Variants in SEMA3A observed in about 807,000 individuals in gnomAD.
The protein encoded by SEMA3A is semaphorin-3A.
Under a neutral mutation model 97.9 loss-of-function variants are expected in SEMA3A, and 29 were observed. The ratio of observed to expected loss-of-function variants is 0.30; its 90% CI spans 0.22 to 0.40. SEMA3A has a LOEUF of 0.40. SEMA3A is among the 10% of genes least tolerant of loss of function. SEMA3A has a pLI of 1.00. For missense variants in SEMA3A, 763 were observed against 951.3 expected, an observed-to-expected ratio of 0.80 and a Z score of 2.60; for synonymous variants, 321 against 323.7, an observed-to-expected ratio of 0.99 and a Z score of 0.09.
intron 4 of SEMA3A, among the ~76,000 whole-genome samples, chr7:84,072,482 C>G (rs1793776595): frequency 6.6e-6 from 1 of 151,984 alleles, no homozygotes; most frequent in Admixed American, 6.6e-5. Flanking sequence ...ACTGGAGAAG[C>G]TGCTTGGGTT....
intron 1 of SEMA3A, among the ~76,000 whole-genome samples, chr7:84,403,798 C>T (rs1803980894): frequency 6.6e-6 from 1 of 152,112 alleles, no homozygotes; most frequent in African/African-American, 2.4e-5. Flanking sequence ...TGGAGTGGAC[C>T]TCCAGTAAAC....
chr7:84,207,894 C>G (rs114319548), intron 3 of SEMA3A, among the ~76,000 whole-genome samples: 2,305 of 152,156 alleles, frequency 0.015, 59 homozygotes, highest in African/African-American at 0.052. Context: ...AACAGTGAGA[C>G]AGTGAGGAGA....
At chr7:84,274,334 G>A (rs1168767125) in intron 3 of SEMA3A, among the ~76,000 whole-genome samples, 1 of 152,026 alleles carries the variant, frequency 6.6e-6, no homozygotes, top group Non-Finnish European at 1.5e-5. Flanking sequence ...CACCGTGCAG[G>A]AAAGGCCCCT....
In SEMA3A at chr7:83,961,102, C is replaced by G; in HGVS notation, c.*269G>C. ...GGCAAAGAAGAAAGACAAACCTGTA[C>G]AGTGAAATCTCATAGGAAACATTAA... On this transcript the variant is annotated 3_prime_UTR_variant, in exon 17 of 17. Coordinates refer to ENST00000265362, the MANE Select transcript of SEMA3A (RefSeq NM_006080.3). The G allele has an allele frequency of 2.2e-6, 1 of 450,618 alleles. No homozygotes were observed. The highest frequency in any genetic ancestry group is 4.0e-6 in the Non-Finnish European group (1 of 248,044). 27.9% of individuals were successfully genotyped at this position (450,618 alleles called of 1,614,324 possible). A position where few individuals can be genotyped will look rare whatever the true frequency, so the allele number is the denominator to read the frequency against.
chr7:84,014,296 G>T lies in SEMA3A; in HGVS notation c.723C>A (p.Asp241Glu), dbSNP rs764703468. The change falls in exon 7 of 17, where the codon GAC becomes GAA. Residue 241 changes from aspartate (D) to glutamate (E), a missense_variant. Physicochemically the swap from Asp to Glu is conservative, Grantham distance 45 (BLOSUM62 2). Transcript: ENST00000265362. ...TTTCACGGAAGAAAAAGTATACTTT[G>T]TCATCTTCAGGATTGTCACTCTCTG... is the stretch of plus-strand genomic sequence containing the variant. ...LISESDNPEDDKVYFFFRENA... is the reference protein window; with the variant it reads ...LISESDNPEDEKVYFFFRENA... 6.2e-7 allele frequency: 1 copy of T among 1,612,550 alleles called. No individual in the cohort carries two copies. Among genetic ancestry groups the T allele is most frequent in the Non-Finnish European group, 8.5e-7 (1 of 1,179,066 alleles).
intron 6 of SEMA3A, among the ~76,000 whole-genome samples, chr7:84,020,031 CTTTCTTTT>C (rs1791263716): frequency 1.5e-5 from 1 of 68,508 alleles, no homozygotes; most frequent in Non-Finnish European, 3.3e-5. Context: ...TGATTTTTTT[CTTTCTTTT>C]TTTTTTTTTT....
intron 5 of SEMA3A, among the ~76,000 whole-genome samples, chr7:84,055,559 T>C (rs184029965): frequency 1.6e-4 from 24 of 152,296 alleles, no homozygotes; most frequent in African/African-American, 4.8e-4. Flanking sequence ...CGCCCTGCTT[T>C]GGCTCGTGCA....
At chr7:84,395,356 A>T (rs1449611077) in intron 1 of SEMA3A, among the ~76,000 whole-genome samples, 4 of 127,928 alleles carry the variant, frequency 3.1e-5, no homozygotes, top group African/African-American at 1.1e-4. Flanking sequence ...AGAAACCCAT[A>T]GGAAAAAAAA....
At chr7:84,401,137 G>C (rs1407850790) in intron 1 of SEMA3A, among the ~76,000 whole-genome samples, 1 of 152,076 alleles carries the variant, frequency 6.6e-6, no homozygotes, top group East Asian at 1.9e-4. Context: ...TCTGCAAAAA[G>C]ACTGTTATGG....
chr7:84,450,130 T>C (rs1805519356), intron 1 of SEMA3A, among the ~76,000 whole-genome samples: 1 of 152,162 alleles, frequency 6.6e-6, no homozygotes, highest in Non-Finnish European at 1.5e-5. Context: ...AAGGTAGTTT[T>C]ATATTTAATT....
chr7:84,486,834 G>T (rs1273091800), intron 1 of SEMA3A, among the ~76,000 whole-genome samples: 2 of 152,038 alleles, frequency 1.3e-5, no homozygotes, highest in Non-Finnish European at 2.9e-5. Context: ...AATATTATTT[G>T]TCAGAAAAAC....
chr7:84,216,106 G>A (rs927190018), intron 3 of SEMA3A, among the ~76,000 whole-genome samples: 5 of 152,100 alleles, frequency 3.3e-5, no homozygotes, highest in African/African-American at 1.2e-4. Context: ...GCCTCGCTCT[G>A]TAGCCAGGTT....
chr7:84,167,329 C>T (rs1797244432), intron 1 of SEMA3A, among the ~76,000 whole-genome samples: 1 of 152,134 alleles, frequency 6.6e-6, no homozygotes, highest in Non-Finnish European at 1.5e-5. Context: ...AACAGTAGTT[C>T]CTGGCCATGT....
chr7:84,143,783 C>T (rs1562809859), intron 1 of SEMA3A, among the ~76,000 whole-genome samples: 1 of 139,220 alleles, frequency 7.2e-6, no homozygotes, highest in African/African-American at 2.7e-5. Flanking sequence ...GCTATGATTA[C>T]AGTGTGAGAC....
At chr7:84,354,903 TATC>T (rs1802520327) in intron 2 of SEMA3A, among the ~76,000 whole-genome samples, 1 of 151,688 alleles carries the variant, frequency 6.6e-6, no homozygotes. Context: ...GAAAATATGG[TATC>T]ATTCTTCATA....
At chr7:84,316,544 A>C (rs1209640943) in intron 2 of SEMA3A, among the ~76,000 whole-genome samples, 1 of 152,146 alleles carries the variant, frequency 6.6e-6, no homozygotes, top group Non-Finnish European at 1.5e-5. Flanking sequence ...TTAACAAGAT[A>C]AAAGAGGTGC....
At chr7:84,482,864 G>GTTTTTT (rs11396239) in intron 1 of SEMA3A, among the ~76,000 whole-genome samples, 2 of 139,848 alleles carry the variant, frequency 1.4e-5, no homozygotes, top group Non-Finnish European at 3.1e-5. Context: ...CAAAATTCTA[G>GTTTTTT]TTTTTTTTTT....
chr7:84,358,120 T>C (rs1265439414), intron 2 of SEMA3A, among the ~76,000 whole-genome samples: 2 of 152,230 alleles, frequency 1.3e-5, no homozygotes, highest in Non-Finnish European at 2.9e-5. Flanking sequence ...TATTTTGCTA[T>C]GCAGAAGCTC....
At chr7:84,003,341 C>G (rs1446917288) in intron 11 of SEMA3A, among the ~76,000 whole-genome samples, 1 of 152,096 alleles carries the variant, frequency 6.6e-6, no homozygotes, top group African/African-American at 2.4e-5. Flanking sequence ...CCAAACACAA[C>G]TTTATCTCTT....
Sources: gnomAD v4.1 joint callset for allele counts (sites outside exome capture counted in the v4.1 genomes callset) on GRCh38, gnomAD v4.1.1 for gene constraint, MANE v1.5 for transcripts, NCBI Gene and HGNC (gene_info 2026-07-23, HGNC 2026-07-21) for gene names.